The following BET1 variants were observed in gnomAD, a reference collection of about 807,000 sequenced individuals.
BET1 encodes Bet1 golgi vesicular membrane trafficking protein.
In BET1, 9 loss-of-function variants were observed where a neutral mutation model predicts 13.9. The observed-to-expected ratio is 0.65, with a 90% CI of 0.39 to 1.13. The LOEUF is 1.13. BET1 is among the 50% of genes most tolerant of loss of function. The probability of loss-of-function intolerance (pLI) is 0.01; values close to 1 mark genes in which losing one functional copy is unlikely to be tolerated. For synonymous variants in BET1, 39 were observed against 47.3 expected (o/e 0.82, Z 0.72); for missense variants, 127 against 133.6 (o/e 0.95, Z 0.24).
intron 6 of BET1, among the ~76,000 whole-genome samples, chr7:93,967,533 A>AT (rs780134412): frequency 9.2e-5 from 14 of 151,884 alleles, no homozygotes; most frequent in Non-Finnish European, 1.8e-4. Flanking sequence ...GAATATGTAA[A>AT]TGACAGGTTT....
In BET1 at chr7:93,994,207, T is replaced by C. The variant is rs772358535; in HGVS notation, c.*23A>G. On this transcript the variant is annotated 3_prime_UTR_variant, in exon 4 of 4. Coordinates refer to ENST00000222547, the MANE Select transcript of BET1 (RefSeq NM_005868.6). ...CTGCAAGCCATTAAGTTGGAACAAA[T>C]TCCAAATTCACAATTACATGCATCA... The C allele has an allele frequency of 5.7e-6, 9 of 1,583,402 alleles. No homozygotes were observed. Among genetic ancestry groups the C allele is most frequent in the Non-Finnish European group, 7.7e-6 (9 of 1,164,688 alleles).
chr7:93,972,645 T>A (rs1795274829), exon 6 of BET1: 1 of 151,878 alleles, frequency 6.6e-6, no homozygotes, highest in Admixed American at 6.6e-5. Context: ...CATTTCCTAC[T>A]AATCTAAAAT....
In BET1 at chr7:94,004,309, G is replaced by T; in HGVS notation, c.-93C>A. 1.3e-6 allele frequency: 2 copies of T among 1,556,344 alleles called. No individual in the cohort carries two copies. Among genetic ancestry groups the T allele is most frequent in the Non-Finnish European group, 1.8e-6 (2 of 1,128,800 alleles). On this transcript the variant is annotated 5_prime_UTR_variant, in exon 1 of 4. Coordinates refer to ENST00000222547, the MANE Select transcript of BET1 (RefSeq NM_005868.6). ...CCCGGACCGCGTCTTCAGTACCAGGGCCCAGCGAAACACCAACTTCTTCCC... is the reference window on the plus strand; with the variant it reads ...CCCGGACCGCGTCTTCAGTACCAGGTCCCAGCGAAACACCAACTTCTTCCC...
At chr7:93,966,195 T>C (rs541986298) in intron 6 of BET1, among the ~76,000 whole-genome samples, 3 of 152,094 alleles carry the variant, frequency 2.0e-5, no homozygotes, top group South Asian at 4.1e-4. Flanking sequence ...GATTGATTGG[T>C]CCCAAGTAAA....
At chr7:93,985,407 G>T (rs1795507731) in intron 4 of BET1, among the ~76,000 whole-genome samples, 1 of 152,084 alleles carries the variant, frequency 6.6e-6, no homozygotes, top group Non-Finnish European at 1.5e-5. Flanking sequence ...ATATTATGCA[G>T]GTTAAATGAG....
At chr7:93,975,872 G>A in intron 5 of BET1, 1 of 1,016,550 alleles carries the variant, frequency 9.8e-7, no homozygotes, top group Non-Finnish European at 1.2e-6. Context: ...AAAATATTAT[G>A]AGACTATCAA....
intron 4 of BET1, among the ~76,000 whole-genome samples, chr7:93,984,577 T>TA (rs112023901): frequency 2.6e-4 from 39 of 147,796 alleles, no homozygotes; most frequent in South Asian, 1.9e-3. Context: ...TGTCGTGGGT[T>TA]AAAAAAAAAA....
chr7:93,998,011 C>T (rs966578645), intron 2 of BET1, among the ~76,000 whole-genome samples: 12 of 151,732 alleles, frequency 7.9e-5, no homozygotes, highest in South Asian at 2.1e-4. Flanking sequence ...TGAAGTGGGG[C>T]GGATGTGGAT....
At chr7:93,973,737 G>C (rs184684553) in intron 5 of BET1, among the ~76,000 whole-genome samples, 1 of 152,088 alleles carries the variant, frequency 6.6e-6, no homozygotes. Context: ...AAAGGAATCT[G>C]AACAGGGACA....
intron 2 of BET1, among the ~76,000 whole-genome samples, chr7:93,997,027 GTTAC>G (rs1454333795): frequency 2.6e-5 from 4 of 151,878 alleles, no homozygotes; most frequent in African/African-American, 7.3e-5. Context: ...AAATATTAGT[GTTAC>G]TTACTTCCTG....
chr7:93,967,658 C>A (rs919061215), intron 6 of BET1, among the ~76,000 whole-genome samples: 1 of 151,696 alleles, frequency 6.6e-6, no homozygotes, highest in Non-Finnish European at 1.5e-5. Flanking sequence ...ATTTTAAAAT[C>A]TTTAACAATT....
chr7:93,991,760 A>G (rs2116103359), downstream of BET1: 1 of 949,570 alleles, frequency 1.1e-6, no homozygotes, highest in Non-Finnish European at 1.3e-6. Context: ...TCTTAGCCAC[A>G]ATGCTACTCT....
chr7:93,990,713 T>A (rs1273145828), downstream of BET1, among the ~76,000 whole-genome samples: 1 of 152,160 alleles, frequency 6.6e-6, no homozygotes, highest in Non-Finnish European at 1.5e-5. Context: ...TCATAAAGAC[T>A]TTGTAGAATA....
At chr7:93,985,600 A>G (rs28411240) in intron 4 of BET1, among the ~76,000 whole-genome samples, 45,227 of 152,010 alleles carry the variant, frequency 0.3, 6,815 homozygotes, top group African/African-American at 0.35. Flanking sequence ...TATTCAAACT[A>G]TATTGTAATG....
At chr7:93,986,001 C>T (rs1795522564) in intron 4 of BET1, among the ~76,000 whole-genome samples, 3 of 152,170 alleles carry the variant, frequency 2.0e-5, no homozygotes, top group South Asian at 2.1e-4. Context: ...TTTTTTCCTG[C>T]TCCCCTCACC....
chr7:93,965,062 T>A (rs1584119498), exon 7 of BET1: 1 of 152,196 alleles, frequency 6.6e-6, no homozygotes, highest in African/African-American at 2.4e-5. Flanking sequence ...AGAAATCCTG[T>A]TAACATCCAG....
At position 93,996,300 on chromosome 7, in the gene BET1, C is replaced by G; in HGVS notation, c.166G>C (p.Glu56Gln). The G allele has an allele frequency of 6.3e-7, 1 of 1,582,524 alleles. No homozygotes were observed. Among genetic ancestry groups the G allele is most frequent in the Non-Finnish European group, 8.6e-7 (1 of 1,162,778 alleles). Residue 56 changes from glutamate (E) to glutamine (Q), a missense_variant, in exon 3 of 4, where the codon GAA becomes CAA. Physicochemically the swap from Glu to Gln is conservative, Grantham distance 29. Coordinates refer to ENST00000222547, the MANE Select transcript of BET1 (RefSeq NM_005868.6). Reference sequence around the variant, plus strand: ...AATAATTTATTCTGGGTTTTAACTTCATGGCCTATTTCAATGGAAAGCTAT... The same window carrying G: ...AATAATTTATTCTGGGTTTTAACTTGATGGCCTATTTCAATGGAAAGCTAT... ...IKSLSIEIGH[E>Q]VKTQNKLLAE...
chr7:94,003,711 C>T (rs1369169154), intron 1 of BET1, among the ~76,000 whole-genome samples: 2 of 152,128 alleles, frequency 1.3e-5, no homozygotes, highest in South Asian at 2.1e-4. Context: ...GTTCCAGGAC[C>T]TTTAACAATA....
At chr7:93,998,726 AG>A (rs1196207937) in intron 2 of BET1, among the ~76,000 whole-genome samples, 1 of 152,094 alleles carries the variant, frequency 6.6e-6, no homozygotes, top group Admixed American at 6.5e-5. Flanking sequence ...AAAGAAAACC[AG>A]GGGATAGTAT....
Sources: gnomAD v4.1 joint callset for allele counts (sites outside exome capture counted in the v4.1 genomes callset) on GRCh38, gnomAD v4.1.1 for gene constraint, MANE v1.5 for transcripts, NCBI Gene and HGNC (gene_info 2026-07-23, HGNC 2026-07-21) for gene names.